The following KAT6A variants were observed in gnomAD, a reference collection of about 807,000 sequenced individuals.
KAT6A encodes the protein histone acetyltransferase KAT6A.
Under a neutral mutation model 198.4 loss-of-function variants are expected in KAT6A, and 9 were observed. The observed-to-expected ratio is 0.05, with a 90% CI of 0.03 to 0.08. The LOEUF (loss-of-function observed/expected upper bound fraction) is 0.08, where lower values mean the gene tolerates loss of function less well. Among genes scored for constraint, KAT6A ranks in the 10% least tolerant of loss-of-function variants. KAT6A has a pLI of 1.00. For synonymous variants in KAT6A, 890 were observed against 883.0 expected (o/e 1.01, Z -0.14); for missense variants, 2,077 against 2,509.9 (o/e 0.83, Z 3.69).
chr8:41,946,529 C>CAT lies in KAT6A; in HGVS notation c.1996+61_1996+62insAT, dbSNP rs139721599. ...ACACACACACACACACACACACACA[C>CAT]ACACACACACACAGAGAAGGTCCAC... is the stretch of plus-strand genomic sequence containing the variant. On this transcript the variant is annotated intron_variant, in intron 12 of 16. Coordinates refer to ENST00000265713, the MANE Select transcript of KAT6A (RefSeq NM_006766.5). 0.17 allele frequency: 116,266 copies of CAT among 674,504 alleles called. 12,272 individuals are homozygous for CAT. The highest frequency in any genetic ancestry group is 0.24 in the South Asian group (12,670 of 51,932). The allele number at this position is 674,504 out of a possible 1,614,324, so 41.8% of individuals were successfully genotyped here.
intron 8 of KAT6A, among the ~76,000 whole-genome samples, chr8:41,966,106 A>T (rs1405515693): frequency 6.6e-6 from 1 of 152,086 alleles, no homozygotes; most frequent in Non-Finnish European, 1.5e-5. Flanking sequence ...AAAAGCTTAA[A>T]CGAGTTGATA....
At position 41,985,608 on chromosome 8, in the gene KAT6A, G is replaced by A. The variant is rs530608595; in HGVS notation, c.709+1847C>T. 1.2e-3 allele frequency among the ~76,000 whole-genome samples: 178 copies of A among 152,082 alleles called. 1 individual carries two copies. The highest frequency in any genetic ancestry group is 2.1e-3 in the Non-Finnish European group (144 of 68,018). ...AGCACTTCAGCACCAACTACAGAGC[G>A]CAACTGTTGTGCAGTGGACTCCCCC... On this transcript the variant is annotated intron_variant, in intron 3 of 16. Transcript: ENST00000265713.
intron 2 of KAT6A, among the ~76,000 whole-genome samples, chr8:42,047,157 C>T (rs1398736736): frequency 6.6e-6 from 1 of 152,136 alleles, no homozygotes; most frequent in Non-Finnish European, 1.5e-5. Context: ...CTTATGTCTA[C>T]CAAGGTGTGC....
chr8:41,941,123 GCTGTTC>G lies in KAT6A; in HGVS notation c.2752_2757del (p.Glu918_Gln919del), dbSNP rs1822103155. 3.1e-6 allele frequency: 5 copies of G among 1,614,070 alleles called. No individual in the cohort carries two copies. The highest frequency in any genetic ancestry group is 4.2e-6 in the Non-Finnish European group (5 of 1,180,034). On this transcript the variant is annotated inframe_deletion, in exon 15 of 17. Transcript: ENST00000265713. Reference sequence around the variant, plus strand: ...CTTGGCTGCTCCTCAGAAGCCACCAGCTGTTCTTCACTTTCAGTGTATTGTTCCTGG... The same window carrying G: ...CTTGGCTGCTCCTCAGAAGCCACCAGTTCACTTTCAGTGTATTGTTCCTGG...
At chr8:41,979,329 A>G (rs1421102389) in intron 5 of KAT6A, among the ~76,000 whole-genome samples, 1 of 152,140 alleles carries the variant, frequency 6.6e-6, no homozygotes, top group Admixed American at 6.5e-5. Context: ...TAAACACACA[A>G]GAAAGGAGTC....
intron 2 of KAT6A, among the ~76,000 whole-genome samples, chr8:42,009,002 C>T (rs946793527): frequency 2.6e-5 from 4 of 152,186 alleles, no homozygotes; most frequent in Non-Finnish European, 1.5e-5. Context: ...CAGTAAATGA[C>T]TCTGCATACA....
intron 2 of KAT6A, among the ~76,000 whole-genome samples, chr8:42,017,755 T>A (rs998728013): frequency 3.3e-5 from 5 of 152,150 alleles, no homozygotes; most frequent in Non-Finnish European, 1.5e-5. Context: ...CACTTGAGGA[T>A]TCTGAACACT....
rs142859527 is a variant in KAT6A at position 41,934,138 on chromosome 8, T to C, written c.4082A>G (p.Glu1361Gly). The C allele has an allele frequency of 5.6e-6, 9 of 1,614,000 alleles. No individual in the cohort carries two copies. The African/African-American group carries it at 1.2e-4, about 22-fold the overall frequency. The change falls in exon 17 of 17, where the codon GAA becomes GGA. Residue 1361 changes from glutamate to glycine, a missense_variant. Around this residue, in one of 13 missense-constraint regions of KAT6A, gnomAD observed 178 missense variants for 220.8 expected, o/e 0.81. Transcript: ENST00000265713. ...GGTTTCCTCTTTATCCTTTATCTTT[T>C]CCCTACTCTTCTGCATATTAGCATC... ...FLDANMQKSREKIKDKEETEL... is the reference protein window; with the variant it reads ...FLDANMQKSRGKIKDKEETEL...
At chr8:41,971,094 G>A (rs1323697287) in intron 8 of KAT6A, among the ~76,000 whole-genome samples, 2 of 151,626 alleles carry the variant, frequency 1.3e-5, no homozygotes, top group Non-Finnish European at 2.9e-5. Context: ...GAGGGGGGAG[G>A]GATAGCATTA....
chr8:41,974,972 A>G (rs1823976266), intron 7 of KAT6A, 150 bp from the exon 8 acceptor site: 2 of 453,518 alleles, frequency 4.4e-6, no homozygotes, highest in Non-Finnish European at 7.9e-6. Context: ...GCTACTCAAT[A>G]AATAATATTT....
intron 2 of KAT6A, among the ~76,000 whole-genome samples, chr8:42,018,070 T>A (rs1826356286): frequency 6.6e-6 from 1 of 152,168 alleles, no homozygotes; most frequent in Admixed American, 6.5e-5. Context: ...AGCAATTACT[T>A]TATATTTTTT....
At chr8:41,935,427 T>C (rs1448809155) in intron 16 of KAT6A, among the ~76,000 whole-genome samples, 1 of 152,248 alleles carries the variant, frequency 6.6e-6, no homozygotes, top group Non-Finnish European at 1.5e-5. Context: ...ATTAATGTTG[T>C]GTTTGTATGG....
At chr8:41,945,840 A>G (rs888113316) in intron 12 of KAT6A, among the ~76,000 whole-genome samples, 1 of 152,036 alleles carries the variant, frequency 6.6e-6, no homozygotes, top group African/African-American at 2.4e-5. Flanking sequence ...CATCCTGGCT[A>G]ACACGGTAAA....
intron 2 of KAT6A, among the ~76,000 whole-genome samples, chr8:42,037,673 T>G (rs1485196940): frequency 6.8e-6 from 1 of 147,298 alleles, no homozygotes; most frequent in African/African-American, 2.6e-5. Context: ...GCAACTATCT[T>G]CTTTAACACA....
In KAT6A at chr8:41,964,201, G is replaced by C. The variant is rs1317009; in HGVS notation, c.1483-8790C>G. 5.6e-3 allele frequency among the ~76,000 whole-genome samples: 854 copies of C among 152,154 alleles called. 9 individuals carry two copies. The highest frequency in any genetic ancestry group is 0.019 in the African/African-American group (776 of 41,506). Reference sequence around the variant, plus strand: ...GAAACTTAACAATTTATAACTCTAGGTAAAACAATCCTTCTAATGTTTCCA... The same window carrying C: ...GAAACTTAACAATTTATAACTCTAGCTAAAACAATCCTTCTAATGTTTCCA... On this transcript the variant is annotated intron_variant, in intron 8 of 16. Coordinates refer to ENST00000265713, the MANE Select transcript of KAT6A (RefSeq NM_006766.5).
intron 2 of KAT6A, among the ~76,000 whole-genome samples, chr8:42,011,767 C>T (rs1028716173): frequency 6.6e-6 from 1 of 150,792 alleles, no homozygotes; most frequent in Non-Finnish European, 1.5e-5. Flanking sequence ...ATAAGAAACT[C>T]AGAACAAGTT....
chr8:41,973,952 A>AT (rs1370970716), intron 8 of KAT6A, among the ~76,000 whole-genome samples: 3 of 152,180 alleles, frequency 2.0e-5, no homozygotes, highest in African/African-American at 7.2e-5. Flanking sequence ...TATTAATGAC[A>AT]TTACTTATTC....
At chr8:41,966,284 T>A (rs1823484534) in intron 8 of KAT6A, among the ~76,000 whole-genome samples, 1 of 152,130 alleles carries the variant, frequency 6.6e-6, no homozygotes, top group Non-Finnish European at 1.5e-5. Flanking sequence ...GCTTTGCTTT[T>A]CGAGGTTCTA....
At chr8:42,031,583 C>T (rs1322445036) in intron 2 of KAT6A, among the ~76,000 whole-genome samples, 2 of 142,300 alleles carry the variant, frequency 1.4e-5, no homozygotes. Flanking sequence ...AATGGTTTCA[C>T]AGATCTATGA....
Sources: allele counts gnomAD v4.1 joint callset (sites outside exome capture counted in the v4.1 genomes callset), GRCh38; gene constraint gnomAD v4.1.1; regional missense constraint gnomAD v4.1.1; transcripts MANE v1.5; gene names NCBI Gene and HGNC (gene_info 2026-07-23, HGNC 2026-07-21).